The following CYP4F22 variants were observed in gnomAD, a reference collection of about 807,000 sequenced individuals.
CYP4F22 encodes the protein cytochrome P450 family 4 subfamily F member 22.
A neutral mutation model predicts 60.4 loss-of-function variants in CYP4F22; 37 were observed. The observed-to-expected ratio is 0.61, with a 90% CI of 0.47 to 0.81. CYP4F22 has a LOEUF of 0.81. CYP4F22 is among the 30% of genes least tolerant of loss of function. The pLI is 0.00. For synonymous variants in CYP4F22, 258 were observed against 280.5 expected, an observed-to-expected ratio of 0.92 and a Z score of 0.80; for missense variants, 655 against 715.0, an observed-to-expected ratio of 0.92 and a Z score of 0.96.
Position 15,551,762 on chromosome 19 carries a change from G to C in CYP4F22, c.*291G>C. ...GGTCGACCCTGCCCCCTTGGGCTCA[G>C]GCCCCGCCCCCAGGATCCTACGGAT... On this transcript the variant is annotated 3_prime_UTR_variant, in exon 14 of 14. Transcript: ENST00000269703. 3.9e-6 allele frequency: 2 copies of C among 517,050 alleles called. No homozygotes were observed. Among genetic ancestry groups the C allele is most frequent in the Non-Finnish European group, 7.0e-6 (2 of 286,524 alleles). The allele number at this position is 517,050 out of a possible 1,614,324, so 32.0% of individuals were successfully genotyped here. A position where few individuals can be genotyped will look rare whatever the true frequency, so the allele number is the denominator to read the frequency against.
In CYP4F22 at chr19:15,550,615, G is replaced by A. The variant is rs1971583362; in HGVS notation, c.1336-59G>A. The A allele has an allele frequency of 2.5e-6, 4 of 1,573,204 alleles. No individual in the cohort carries two copies. In the African/African-American group the frequency reaches 5.4e-5, roughly 21 times the overall value. ...TGACCCCCAGAGGCTCAGGGAAGGG[G>A]GCCAGGCTGGGATGTCTGGGGCAGC... On this transcript the variant is annotated intron_variant, in intron 12 of 13. Coordinates refer to ENST00000269703, the MANE Select transcript of CYP4F22 (RefSeq NM_173483.4).
intron 3 of CYP4F22, among the ~76,000 whole-genome samples, chr19:15,526,342 T>G (rs1971282598): frequency 6.6e-6 from 1 of 152,186 alleles, no homozygotes; most frequent in African/African-American, 2.4e-5. Flanking sequence ...AGGTGAGGAC[T>G]CTTACCCTTT....
At chr19:15,546,569 G>T (rs952502218) in intron 10 of CYP4F22, among the ~76,000 whole-genome samples, 3 of 152,000 alleles carry the variant, frequency 2.0e-5, no homozygotes, top group Non-Finnish European at 4.4e-5. Flanking sequence ...GGATGAAACA[G>T]CAAGACGCCA....
At chr19:15,536,969 G>A (rs1426751340) in intron 4 of CYP4F22, among the ~76,000 whole-genome samples, 3 of 152,160 alleles carry the variant, frequency 2.0e-5, no homozygotes, top group African/African-American at 7.2e-5. Flanking sequence ...CAGTGAGGAG[G>A]ACTAAGGAAG....
At chr19:15,548,349 G>A in intron 11 of CYP4F22, 108 bp downstream of exon 11, 1 of 1,510,814 alleles carries the variant, frequency 6.6e-7, no homozygotes. Context: ...TATCCCTGCA[G>A]ATGGGATAGC....
rs748463754 is a variant in CYP4F22 at position 15,548,161 on chromosome 19, G to A, written c.1190G>A (p.Arg397His). The change falls in exon 11 of 14, where the codon CGC (arginine) becomes CAC (histidine). Residue 397 changes from arginine to histidine, a missense_variant. Physicochemically the swap from Arg to His is conservative, Grantham distance 29. Around this residue, in one of 3 missense-constraint regions of CYP4F22, gnomAD observed 74 missense variants for 118.4 expected, o/e 0.62. Transcript: ENST00000269703. ...FTTMCIKESLRQYPPVTLVSR... is the reference protein window; with the variant it reads ...FTTMCIKESLHQYPPVTLVSR... ...ACTATGTGCATTAAGGAGAGCCTGC[G>A]CCAGTACCCACCTGTCACTCTTGTC... 8.7e-6 allele frequency: 14 copies of A among 1,613,902 alleles called. No homozygotes were observed. The highest frequency in any genetic ancestry group is 5.5e-5 in the South Asian group (5 of 91,082).
At chr19:15,540,966 A>G (rs918050283) in intron 8 of CYP4F22, among the ~76,000 whole-genome samples, 1 of 152,186 alleles carries the variant, frequency 6.6e-6, no homozygotes, top group African/African-American at 2.4e-5. Context: ...CTATGGTCCC[A>G]GCTACTTGGG....
chr19:15,531,103 G>A (rs1404265829), intron 4 of CYP4F22, among the ~76,000 whole-genome samples: 4 of 152,104 alleles, frequency 2.6e-5, no homozygotes, highest in Non-Finnish European at 5.9e-5. Context: ...TTACCCAGTG[G>A]CAGTGATGTG....
In CYP4F22 at chr19:15,551,309, G is replaced by A. The variant is rs556353361; in HGVS notation, c.1434G>A (p.Gln478=). ...CTTCCTCCAGGAATTGCATCGGACAGAGCTTCGCCATGGCCGAGTTGCGCG... is the reference window on the plus strand; with the variant it reads ...CTTCCTCCAGGAATTGCATCGGACAAAGCTTCGCCATGGCCGAGTTGCGCG... ...FSAGPRNCIG[Q]SFAMAELRVV... Residue 478 remains glutamine, a synonymous_variant, in exon 14 of 14, where the codon CAG becomes CAA. Transcript: ENST00000269703. The A allele has an allele frequency of 6.2e-7, 1 of 1,613,082 alleles. No homozygotes were observed. The highest frequency in any genetic ancestry group is 2.2e-5 in the East Asian group (1 of 44,852).
chr19:15,537,088 T>C (rs1250526697), intron 4 of CYP4F22, among the ~76,000 whole-genome samples: 3 of 152,014 alleles, frequency 2.0e-5, no homozygotes, highest in Non-Finnish European at 4.4e-5. Flanking sequence ...CACTTGAGGT[T>C]AGGAGTTCGA....
intron 1 of CYP4F22, among the ~76,000 whole-genome samples, chr19:15,511,261 C>A (rs1324756701): frequency 6.6e-6 from 1 of 151,312 alleles, no homozygotes; most frequent in Non-Finnish European, 1.5e-5. Flanking sequence ...CATGAGCCAC[C>A]GCGCCCAGCA....
chr19:15,551,619 G>A lies in CYP4F22; in HGVS notation c.*148G>A. 1 of 1,009,416 alleles carries A rather than the reference G, an allele frequency of 9.9e-7. No individual in the cohort carries two copies. The highest frequency in any genetic ancestry group is 1.4e-6 in the Non-Finnish European group (1 of 701,192). 62.5% of individuals were successfully genotyped at this position (1,009,416 alleles called of 1,614,324 possible). On this transcript the variant is annotated 3_prime_UTR_variant, in exon 14 of 14. Transcript: ENST00000269703. ...ACCAGGCACCGCTGTTGAGCAGCCT[G>A]GTGGTACTGGCCACGCCCCTCAAGG...
chr19:15,540,733 C>A lies in CYP4F22; in HGVS notation c.939+16C>A, dbSNP rs1315561457. The A allele has an allele frequency of 6.8e-7, 1 of 1,470,322 alleles. No individual in the cohort carries two copies. Among genetic ancestry groups the A allele is most frequent in the South Asian group, 1.2e-5 (1 of 86,284 alleles). 91.1% of individuals were successfully genotyped at this position (1,470,322 alleles called of 1,614,324 possible). A position where few individuals can be genotyped will look rare whatever the true frequency, so the allele number is the denominator to read the frequency against. ...CCTGGCCAGGGTGAGGCTGGGCCCCCTGGAATTGCTGGCCTCCCGAGGGCT... is the reference window on the plus strand; with the variant it reads ...CCTGGCCAGGGTGAGGCTGGGCCCCATGGAATTGCTGGCCTCCCGAGGGCT... On this transcript the variant is annotated intron_variant, in intron 8 of 13. Coordinates refer to ENST00000269703, the MANE Select transcript of CYP4F22 (RefSeq NM_173483.4).
chr19:15,550,901 G>T, intron 13 of CYP4F22, 145 bp downstream of exon 13: 1 of 960,984 alleles, frequency 1.0e-6, no homozygotes, highest in Non-Finnish European at 1.6e-6. Flanking sequence ...CAATGCGCCA[G>T]GAGGCCCCCA....
intron 1 of CYP4F22, among the ~76,000 whole-genome samples, chr19:15,519,463 G>T (rs898235222): frequency 1.3e-5 from 2 of 151,974 alleles, no homozygotes; most frequent in Non-Finnish European, 2.9e-5. Flanking sequence ...GGGTTTTGCC[G>T]TGTTGGCCAG....
At chr19:15,548,045 G>A in intron 10 of CYP4F22, 63 bp from the exon 11 acceptor site, 1 of 1,416,210 alleles carries the variant, frequency 7.1e-7, no homozygotes, top group Non-Finnish European at 9.8e-7. Context: ...GTGTGTGTGT[G>A]TGTGTTTTGG....
chr19:15,531,833 A>C (rs527527112), intron 4 of CYP4F22, among the ~76,000 whole-genome samples: 1 of 152,028 alleles, frequency 6.6e-6, no homozygotes, highest in Non-Finnish European at 1.5e-5. Flanking sequence ...GGCCACGTGC[A>C]GTGACTCATG....
chr19:15,533,938 G>A (rs1599803126), intron 4 of CYP4F22, among the ~76,000 whole-genome samples: 1 of 151,992 alleles, frequency 6.6e-6, no homozygotes, highest in East Asian at 1.9e-4. Flanking sequence ...GTGGACATAT[G>A]TTTTCATTTC....
intron 4 of CYP4F22, 53 bp from the exon 5 acceptor site, chr19:15,537,308 A>C (rs1971406635): frequency 5.6e-6 from 9 of 1,611,512 alleles, no homozygotes; most frequent in African/African-American, 1.3e-5. Context: ...AAAAAAAAAC[A>C]AAAAACCAAA....
Sources: allele counts gnomAD v4.1 joint callset (sites outside exome capture counted in the v4.1 genomes callset), GRCh38; gene constraint gnomAD v4.1.1; regional missense constraint gnomAD v4.1.1; transcripts MANE v1.5; gene names NCBI Gene and HGNC (gene_info 2026-07-23, HGNC 2026-07-21).